ASCC3: variants seen among roughly 807,000 people sequenced by gnomAD.
The protein encoded by ASCC3 is ASC-1 complex subunit P200.
Under a neutral mutation model 256.3 loss-of-function variants are expected in ASCC3, and 158 were observed. That is an observed-to-expected ratio of 0.62 (90% confidence interval 0.54 to 0.70). ASCC3 has a LOEUF of 0.70. ASCC3 is among the 30% of genes least tolerant of loss of function. The pLI is 0.00. For synonymous variants in ASCC3, 948 were observed against 883.4 expected (o/e 1.07, Z -1.30); for missense variants, 2,259 against 2,626.0 (o/e 0.86, Z 3.05).
At chr6:100,681,205 T>C (rs1404656080) in intron 13 of ASCC3, among the ~76,000 whole-genome samples, 1 of 152,088 alleles carries the variant, frequency 6.6e-6, no homozygotes, top group African/African-American at 2.4e-5. Context: ...TTTAGGTACA[T>C]TCAAAGTAAA....
intron 26 of ASCC3, 29 bp downstream of exon 26, chr6:100,631,099 G>A (rs1296773436): frequency 2.0e-5 from 29 of 1,485,414 alleles, no homozygotes; most frequent in African/African-American, 4.2e-5. Flanking sequence ...AATTCAAAGC[G>A]TATCTTTTGA....
intron 37 of ASCC3, among the ~76,000 whole-genome samples, chr6:100,533,085 C>T (rs1427825377): frequency 6.6e-6 from 1 of 151,714 alleles, no homozygotes; most frequent in Non-Finnish European, 1.5e-5. Context: ...AATAAGATCC[C>T]ATTAGCTGTT....
intron 37 of ASCC3, among the ~76,000 whole-genome samples, chr6:100,521,890 G>C (rs1390755067): frequency 1.3e-5 from 2 of 152,174 alleles, no homozygotes; most frequent in Non-Finnish European, 2.9e-5. Flanking sequence ...TTTTATAGCA[G>C]TTTTCCTGGC....
chr6:100,789,959 T>C (rs1582868005), intron 8 of ASCC3, among the ~76,000 whole-genome samples: 2 of 151,988 alleles, frequency 1.3e-5, no homozygotes, highest in East Asian at 1.9e-4. Context: ...CTTAACCACT[T>C]TGATATTTGC....
At chr6:100,562,618 T>C (rs564192403) in intron 36 of ASCC3, among the ~76,000 whole-genome samples, 2 of 152,218 alleles carry the variant, frequency 1.3e-5, no homozygotes, top group African/African-American at 4.8e-5. Context: ...TGGTTACAAA[T>C]TATTTATTCT....
intron 10 of ASCC3, among the ~76,000 whole-genome samples, chr6:100,732,600 A>T (rs73502993): frequency 7.2e-5 from 11 of 152,352 alleles, no homozygotes; most frequent in African/African-American, 2.2e-4. Context: ...TGTTTATCCA[A>T]GAGCTTCCTG....
chr6:100,719,551 C>A (rs1223355031), intron 11 of ASCC3, among the ~76,000 whole-genome samples: 1 of 151,914 alleles, frequency 6.6e-6, no homozygotes, highest in Non-Finnish European at 1.5e-5. Flanking sequence ...TGCTAAAAAT[C>A]CACTTTAAAA....
At chr6:100,529,748 A>G (rs556020284) in intron 37 of ASCC3, among the ~76,000 whole-genome samples, 1 of 152,332 alleles carries the variant, frequency 6.6e-6, no homozygotes, top group East Asian at 1.9e-4. Context: ...TTTTTATGGT[A>G]TATCCAACCT....
chr6:100,847,148 GCTTA>G (rs1196475324), intron 4 of ASCC3, among the ~76,000 whole-genome samples: 3 of 152,058 alleles, frequency 2.0e-5, no homozygotes, highest in African/African-American at 4.8e-5. Flanking sequence ...TGGTTTTATG[GCTTA>G]CTAAGAAAAT....
In ASCC3 at chr6:100,627,726, G is replaced by T; in HGVS notation, c.4522-16C>A. 6.2e-7 allele frequency: 1 copy of T among 1,612,936 alleles called. No homozygotes were observed. Among genetic ancestry groups the T allele is most frequent in the South Asian group, 1.1e-5 (1 of 91,000 alleles). On this transcript the variant is annotated splice_polypyrimidine_tract_variant and intron_variant, in intron 28 of 41. Coordinates refer to ENST00000369162, the MANE Select transcript of ASCC3 (RefSeq NM_006828.4). The stretch of plus-strand genomic sequence containing the variant: ...ACAAGCCCATCTAGAGTAAATATGA[G>T]AGAGAAACCATTTTCAATTTTTATA...
At chr6:100,632,611 C>A (rs1335095018) in intron 25 of ASCC3, among the ~76,000 whole-genome samples, 1 of 151,964 alleles carries the variant, frequency 6.6e-6, no homozygotes, top group South Asian at 2.1e-4. Flanking sequence ...GAAGTATGGA[C>A]CTGACATAAA....
chr6:100,709,129 T>C (rs1419131127), intron 13 of ASCC3, among the ~76,000 whole-genome samples: 2 of 152,140 alleles, frequency 1.3e-5, no homozygotes, highest in Non-Finnish European at 2.9e-5. Flanking sequence ...GTAGGTCTCC[T>C]GTGACAACAA....
chr6:100,645,617 G>C (rs1775341650), intron 22 of ASCC3, among the ~76,000 whole-genome samples: 1 of 152,102 alleles, frequency 6.6e-6, no homozygotes, highest in Non-Finnish European at 1.5e-5. Flanking sequence ...TTGGCTTCTT[G>C]AATGTAAGAA....
intron 14 of ASCC3, among the ~76,000 whole-genome samples, chr6:100,667,104 T>C (rs912931919): frequency 3.3e-5 from 5 of 152,246 alleles, no homozygotes; most frequent in Non-Finnish European, 5.9e-5. Context: ...GACAAAATTA[T>C]GTCTTATTTA....
chr6:100,864,010 T>C, intron 3 of ASCC3, 54 bp downstream of exon 3: 1 of 1,382,080 alleles, frequency 7.2e-7, no homozygotes, highest in Non-Finnish European at 9.7e-7. Flanking sequence ...GGAATCTGTT[T>C]TTGAACCTTA....
chr6:100,655,311 A>C (rs1205405607), intron 17 of ASCC3, among the ~76,000 whole-genome samples: 1 of 151,874 alleles, frequency 6.6e-6, no homozygotes, highest in Non-Finnish European at 1.5e-5. Flanking sequence ...ATTAGAAGAG[A>C]CTTGATAAGA....
chr6:100,842,888 T>C (rs563294151), intron 4 of ASCC3, among the ~76,000 whole-genome samples: 33 of 152,204 alleles, frequency 2.2e-4, no homozygotes, highest in African/African-American at 7.9e-4. Context: ...GGCAAGAGGA[T>C]TGCTTGAGCC....
At chr6:100,782,178 G>C (rs1210582943) in intron 8 of ASCC3, among the ~76,000 whole-genome samples, 2 of 152,226 alleles carry the variant, frequency 1.3e-5, no homozygotes, top group Admixed American at 6.5e-5. Flanking sequence ...CTAAACTCTA[G>C]ATCAGTGTAT....
intron 10 of ASCC3, among the ~76,000 whole-genome samples, chr6:100,753,834 C>A (rs1781053947): frequency 6.6e-6 from 1 of 152,130 alleles, no homozygotes; most frequent in Non-Finnish European, 1.5e-5. Flanking sequence ...AGAAACACTG[C>A]ATAAAGAACC....
Sources: allele counts gnomAD v4.1 joint callset (sites outside exome capture counted in the v4.1 genomes callset), GRCh38; gene constraint gnomAD v4.1.1; transcripts MANE v1.5; gene names NCBI Gene and HGNC (gene_info 2026-07-23, HGNC 2026-07-21).